MAP2K1: variants seen among roughly 807,000 people sequenced by gnomAD.
MAP2K1 encodes mitogen-activated protein kinase kinase 1.
In MAP2K1, 16 loss-of-function variants were observed where a neutral mutation model predicts 46.3. The ratio of observed to expected loss-of-function variants is 0.35; its 90% CI spans 0.23 to 0.52. The LOEUF is 0.52. Among genes scored for constraint, MAP2K1 ranks in the 20% least tolerant of loss-of-function variants. MAP2K1 has a pLI of 0.94. For synonymous variants in MAP2K1, 183 were observed against 185.6 expected (o/e 0.99, Z 0.11); for missense variants, 263 against 497.1 (o/e 0.53, Z 4.48).
chr15:66,467,222 G>A (rs746132777), intron 5 of MAP2K1, among the ~76,000 whole-genome samples: 5 of 152,044 alleles, frequency 3.3e-5, no homozygotes, highest in Non-Finnish European at 5.9e-5. Flanking sequence ...CAACAAGAGC[G>A]AAACTCCGTC....
At chr15:66,470,051 T>A (rs2140648320) in intron 5 of MAP2K1, among the ~76,000 whole-genome samples, 1 of 151,122 alleles carries the variant, frequency 6.6e-6, no homozygotes, top group African/African-American at 2.4e-5. Flanking sequence ...TTTTTTCTTT[T>A]GCTGGCCGTT....
At chr15:66,387,539 C>G in intron 1 of MAP2K1, 112 bp downstream of exon 1, 1 of 1,112,504 alleles carries the variant, frequency 9.0e-7, no homozygotes, top group South Asian at 1.4e-5. Context: ...CTGGGGCTGG[C>G]AGGGGGCGAG....
chr15:66,472,721 G>A (rs1018294836), intron 5 of MAP2K1, among the ~76,000 whole-genome samples: 2 of 152,154 alleles, frequency 1.3e-5, no homozygotes, highest in African/African-American at 2.4e-5. Flanking sequence ...TTTCCATTAC[G>A]GGTTATCCCA....
chr15:66,416,693 C>G (rs1010435119), intron 1 of MAP2K1, among the ~76,000 whole-genome samples: 1 of 152,080 alleles, frequency 6.6e-6, no homozygotes, highest in African/African-American at 2.4e-5. Context: ...GCTCCTTTTC[C>G]TTGGTTTCCA....
At chr15:66,397,917 C>T (rs2093372111) in intron 1 of MAP2K1, among the ~76,000 whole-genome samples, 1 of 152,258 alleles carries the variant, frequency 6.6e-6, no homozygotes, top group South Asian at 2.1e-4. Flanking sequence ...GCCTGGCCAA[C>T]ATAGTGAAAC....
At position 66,477,337 on chromosome 15, in the gene MAP2K1, AG is replaced by A. The variant is rs143012385; in HGVS notation, c.569-4416del. On this transcript the variant is annotated intron_variant, in intron 5 of 10. Coordinates refer to ENST00000307102, the MANE Select transcript of MAP2K1 (RefSeq NM_002755.4). Reference sequence around the variant, plus strand: ...TGAAGAGAGGTGTCTGAGCCAGCAGAGGAAGAAGCTGCTGGACTGGGTGGAG... The same window carrying A: ...TGAAGAGAGGTGTCTGAGCCAGCAGAGAAGAAGCTGCTGGACTGGGTGGAG... Among the ~76,000 whole-genome samples, 1,311 of 152,342 alleles carry A rather than the reference AG, an allele frequency of 8.6e-3. 28 individuals are homozygous for A. The highest frequency in any genetic ancestry group is 0.03 in the African/African-American group (1,251 of 41,574).
intron 10 of MAP2K1, 188 bp from the exon 11 acceptor site, chr15:66,490,314 C>T: frequency 1.4e-6 from 1 of 699,606 alleles, no homozygotes; most frequent in Non-Finnish European, 2.6e-6. Flanking sequence ...GGCCTCACAG[C>T]TGCTGTGACT....
chr15:66,392,554 C>CTTTTTTTTTT (rs71287024), intron 1 of MAP2K1, among the ~76,000 whole-genome samples: 1 of 129,062 alleles, frequency 7.7e-6, no homozygotes, highest in African/African-American at 2.9e-5. Context: ...CTTTTCTTTT[C>CTTTTTTTTTT]TTTTTTTTTT....
Position 66,394,204 on chromosome 15 carries a change from G to A in MAP2K1, c.80+6777G>A, listed in dbSNP as rs1279687634. Among the ~76,000 whole-genome samples, 7 of 152,190 alleles carry A rather than the reference G, an allele frequency of 4.6e-5. No individual in the cohort carries two copies. The East Asian group carries it at 1.3e-3, about 29-fold the overall frequency. The stretch of plus-strand genomic sequence containing the variant: ...TATAAGGTGCCGAATAACCTTAGGA[G>A]GGTTCACTGCTTGGCCTTAGTAGCG... On this transcript the variant is annotated intron_variant, in intron 1 of 10. Transcript: ENST00000307102.
At chr15:66,389,864 T>C (rs892864544) in intron 1 of MAP2K1, among the ~76,000 whole-genome samples, 3 of 152,144 alleles carry the variant, frequency 2.0e-5, no homozygotes, top group Non-Finnish European at 2.9e-5. Context: ...GCCTCTGTTG[T>C]GGTTTTGTGA....
At chr15:66,402,779 A>G (rs2093385428) in intron 1 of MAP2K1, among the ~76,000 whole-genome samples, 1 of 152,146 alleles carries the variant, frequency 6.6e-6, no homozygotes, top group African/African-American at 2.4e-5. Flanking sequence ...TTGATTGAAT[A>G]TATATGCATT....
intron 5 of MAP2K1, among the ~76,000 whole-genome samples, chr15:66,449,386 C>T (rs1288565385): frequency 6.6e-6 from 1 of 152,146 alleles, no homozygotes; most frequent in East Asian, 1.9e-4. Context: ...TGAGAGCCTG[C>T]TAATACGAAA....
intron 5 of MAP2K1, among the ~76,000 whole-genome samples, chr15:66,474,462 T>C (rs1008460547): frequency 4.6e-5 from 7 of 152,180 alleles, no homozygotes; most frequent in African/African-American, 1.7e-4. Context: ...TTACTGAATT[T>C]CAGGGATTTC....
intron 7 of MAP2K1, among the ~76,000 whole-genome samples, chr15:66,485,657 C>T (rs751722999): frequency 1.3e-5 from 2 of 152,116 alleles, no homozygotes; most frequent in African/African-American, 4.8e-5. Flanking sequence ...CAGCTCACTG[C>T]AGCCTCAACC....
Position 66,410,770 on chromosome 15 carries a change from G to A in MAP2K1, c.80+23343G>A, listed in dbSNP as rs192933380. ...GGTAGGTCTTAAGGGGAAACTTTTG[G>A]GAGGGACACACATACAGTACAGTGA... On this transcript the variant is annotated intron_variant, in intron 1 of 10. Coordinates refer to ENST00000307102, the MANE Select transcript of MAP2K1 (RefSeq NM_002755.4). Among the ~76,000 whole-genome samples the A allele has an allele frequency of 3.2e-3, 483 of 152,256 alleles. 4 individuals carry two copies. The highest frequency in any genetic ancestry group is 0.011 in the African/African-American group (467 of 41,546).
At chr15:66,428,010 T>C (rs1449683856) in intron 1 of MAP2K1, among the ~76,000 whole-genome samples, 1 of 151,972 alleles carries the variant, frequency 6.6e-6, no homozygotes, top group Admixed American at 6.6e-5. Context: ...CAAGACTCTG[T>C]CTCCAAAAAA....
chr15:66,479,884 GA>G (rs1892872347), intron 5 of MAP2K1, among the ~76,000 whole-genome samples: 1 of 151,920 alleles, frequency 6.6e-6, no homozygotes, highest in South Asian at 2.1e-4. Context: ...AGAGGGTCAT[GA>G]TTTTTTTTTA....
At chr15:66,487,721 T>C (rs534647566) in intron 8 of MAP2K1, among the ~76,000 whole-genome samples, 1 of 152,164 alleles carries the variant, frequency 6.6e-6, no homozygotes, top group Non-Finnish European at 1.5e-5. Flanking sequence ...AAAAGCAGTT[T>C]CAGGATTAGT....
intron 5 of MAP2K1, among the ~76,000 whole-genome samples, chr15:66,452,044 A>T (rs1892026890): frequency 2.9e-5 from 2 of 68,684 alleles, no homozygotes; most frequent in Admixed American, 1.7e-4. Context: ...AGAACAAAAA[A>T]CCAAACACCG....
Sources: allele counts gnomAD v4.1 joint callset (sites outside exome capture counted in the v4.1 genomes callset), GRCh38; gene constraint gnomAD v4.1.1; transcripts MANE v1.5; gene names NCBI Gene and HGNC (gene_info 2026-07-23, HGNC 2026-07-21).